Variants in TNR observed in about 807,000 individuals in gnomAD.
TNR encodes tenascin R, also known as tenascin-R.
TNR carries 45 observed loss-of-function variants against 150.4 expected under a neutral mutation model. The ratio of observed to expected loss-of-function variants is 0.30; its 90% CI spans 0.24 to 0.38. The LOEUF (loss-of-function observed/expected upper bound fraction) is 0.38. Ranked by LOEUF, TNR falls within the 10% of genes least tolerant of loss-of-function variation. The pLI is 1.00. For missense variants in TNR, 1,544 were observed against 1,759.1 expected (o/e 0.88, Z 2.19); for synonymous variants, 687 against 678.4 (o/e 1.01, Z -0.20).
intron 20 of TNR, among the ~76,000 whole-genome samples, chr1:175,331,037 C>CTTTCTTTCTTTCT (rs1557867402): frequency 5.2e-4 from 38 of 72,530 alleles, no homozygotes; most frequent in African/African-American, 1.6e-3. Flanking sequence ...TTCTTTCTTT[C>CTTTCTTTCTTTCT]TTTCTTTCTT....
intron 2 of TNR, among the ~76,000 whole-genome samples, chr1:175,515,806 C>T (rs1659382239): frequency 6.6e-6 from 1 of 152,192 alleles, no homozygotes; most frequent in Admixed American, 6.5e-5. Flanking sequence ...AATGGGGCTA[C>T]AGGCATGGAT....
chr1:175,597,007 A>G (rs1663035924), intron 1 of TNR, among the ~76,000 whole-genome samples: 1 of 152,240 alleles, frequency 6.6e-6, no homozygotes, highest in South Asian at 2.1e-4. Flanking sequence ...ATAGAAGATT[A>G]TAATGGAATC....
At chr1:175,484,494 C>T (rs756008824) in intron 2 of TNR, among the ~76,000 whole-genome samples, 2 of 152,132 alleles carry the variant, frequency 1.3e-5, no homozygotes, top group Non-Finnish European at 2.9e-5. Context: ...TCCACCCTCC[C>T]CTGGCCTGTG....
chr1:175,527,277 A>G (rs937962549), intron 2 of TNR, among the ~76,000 whole-genome samples: 5 of 152,144 alleles, frequency 3.3e-5, no homozygotes, highest in Admixed American at 1.3e-4. Flanking sequence ...TGTGAATTGG[A>G]ATGTTCAAAG....
At chr1:175,604,197 G>A (rs376673031) in intron 1 of TNR, among the ~76,000 whole-genome samples, 2 of 152,044 alleles carry the variant, frequency 1.3e-5, no homozygotes, top group East Asian at 1.9e-4. Context: ...GCAGGCCCAC[G>A]CTGCTAGCCA....
chr1:175,402,715 C>T (rs1299348276), intron 4 of TNR, among the ~76,000 whole-genome samples: 2 of 152,136 alleles, frequency 1.3e-5, no homozygotes, highest in Admixed American at 6.5e-5. Context: ...GAAGGCATTC[C>T]TGGAATATGG....
At chr1:175,435,644 A>T (rs1395521436) in intron 2 of TNR, among the ~76,000 whole-genome samples, 2 of 152,166 alleles carry the variant, frequency 1.3e-5, no homozygotes, top group African/African-American at 4.8e-5. Flanking sequence ...GATTCCAAGG[A>T]CTGATCCCTG....
intron 1 of TNR, among the ~76,000 whole-genome samples, chr1:175,600,381 G>T (rs1045619848): frequency 6.6e-6 from 1 of 152,202 alleles, no homozygotes; most frequent in Admixed American, 6.5e-5. Flanking sequence ...TTCCATTGCA[G>T]TATGTGGAAC....
intron 1 of TNR, among the ~76,000 whole-genome samples, chr1:175,724,563 G>A (rs561625807): frequency 3.3e-5 from 5 of 152,162 alleles, no homozygotes; most frequent in Non-Finnish European, 7.3e-5. Context: ...CATATCAGGG[G>A]TGTTCTTCTT....
chr1:175,730,295 T>C (rs1285468188), intron 1 of TNR, among the ~76,000 whole-genome samples: 2 of 152,160 alleles, frequency 1.3e-5, no homozygotes, highest in Non-Finnish European at 2.9e-5. Flanking sequence ...CCACCTGCCA[T>C]CTCCTTTGTG....
intron 1 of TNR, among the ~76,000 whole-genome samples, chr1:175,696,604 A>G (rs1571762660): frequency 6.6e-6 from 1 of 152,214 alleles, no homozygotes; most frequent in South Asian, 2.1e-4. Flanking sequence ...GAAGGCCCCA[A>G]CCGATTTTAA....
chr1:175,554,834 C>T (rs542647742), intron 1 of TNR, among the ~76,000 whole-genome samples: 4 of 152,242 alleles, frequency 2.6e-5, no homozygotes, highest in East Asian at 3.9e-4. Context: ...AATCATAAAA[C>T]CATTGGGAGT....
At chr1:175,713,746 A>G (rs1667082972) in intron 1 of TNR, among the ~76,000 whole-genome samples, 1 of 152,150 alleles carries the variant, frequency 6.6e-6, no homozygotes, top group Admixed American at 6.5e-5. Context: ...CAAAAGAACC[A>G]TCTCTGATCA....
At chr1:175,567,666 C>T (rs745388163) in intron 1 of TNR, among the ~76,000 whole-genome samples, 1 of 152,072 alleles carries the variant, frequency 6.6e-6, no homozygotes, top group African/African-American at 2.4e-5. Context: ...GAAGGAGGAA[C>T]CTGGGACCTC....
intron 2 of TNR, among the ~76,000 whole-genome samples, chr1:175,495,686 C>T (rs1448162627): frequency 6.6e-6 from 1 of 152,230 alleles, no homozygotes; most frequent in Non-Finnish European, 1.5e-5. Flanking sequence ...GAATAGTACA[C>T]CCTGTGGCCA....
chr1:175,495,022 C>T (rs1309499656), intron 2 of TNR, among the ~76,000 whole-genome samples: 2 of 152,156 alleles, frequency 1.3e-5, no homozygotes, highest in East Asian at 3.9e-4. Flanking sequence ...CTGTCTTCAG[C>T]GTTCACTTCT....
chr1:175,473,678 G>A (rs1461278802), intron 2 of TNR, among the ~76,000 whole-genome samples: 3 of 152,172 alleles, frequency 2.0e-5, no homozygotes. Context: ...AGACCCTACT[G>A]GGTAGCCATA....
chr1:175,549,383 C>T (rs1003615830), intron 1 of TNR, among the ~76,000 whole-genome samples: 11 of 152,136 alleles, frequency 7.2e-5, no homozygotes, highest in African/African-American at 4.8e-5. Flanking sequence ...TAATCAAACA[C>T]GGTGGATTAG....
chr1:175,740,440 A>AC (rs1033801511), intron 1 of TNR, among the ~76,000 whole-genome samples: 49 of 151,640 alleles, frequency 3.2e-4, no homozygotes, highest in South Asian at 1.7e-3. Context: ...TTTTTCAACA[A>AC]AAAAAAAGTA....
Sources: gnomAD v4.1 joint callset for allele counts (sites outside exome capture counted in the v4.1 genomes callset) on GRCh38, gnomAD v4.1.1 for gene constraint, MANE v1.5 for transcripts, NCBI Gene and HGNC (gene_info 2026-07-23, HGNC 2026-07-21) for gene names.